The following CLIC2 variants were observed in gnomAD, a reference collection of about 807,000 sequenced individuals.
The protein encoded by CLIC2 is chloride intracellular channel protein 2.
In CLIC2, 9 loss-of-function variants were observed where a neutral mutation model predicts 14.8. The ratio of observed to expected loss-of-function variants is 0.61; its 90% CI spans 0.37 to 1.06. The LOEUF (loss-of-function observed/expected upper bound fraction) is 1.06, where lower values mean the gene tolerates loss of function less well. Ranked by LOEUF, CLIC2 falls within the 50% of genes least tolerant of loss-of-function variation. The pLI is 0.01. For missense variants in CLIC2, 148 were observed against 181.4 expected (o/e 0.82, Z 1.06); for synonymous variants, 61 against 66.3 (o/e 0.92, Z 0.39).
At chrX:155,280,902 C>T (rs376059646) in intron 3 of CLIC2, among the ~76,000 whole-genome samples, 1 of 107,079 alleles carries the variant, frequency 9.3e-6, no homozygotes, top group African/African-American at 3.4e-5. Flanking sequence ...TCTGTGCTGC[C>T]ATGTTCACTG....
At chrX:155,312,788 C>G (rs1399967129) in intron 1 of CLIC2, among the ~76,000 whole-genome samples, 1 of 111,380 alleles carries the variant, frequency 9.0e-6, no homozygotes, top group Non-Finnish European at 1.9e-5. Flanking sequence ...TTTATTTTTC[C>G]TATCCATGAA....
Position 155,299,092 on chromosome X carries a change from G to C in CLIC2, c.111C>G (p.Phe37Leu), listed in dbSNP as rs1569561300. Residue 37 changes from phenylalanine to leucine, a missense_variant, in exon 2 of 6, where the codon TTC (phenylalanine) becomes TTG (leucine). Coordinates refer to ENST00000369449, the MANE Select transcript of CLIC2 (RefSeq NM_001289.6). ...TAACTCCTTTAAGCCAGAGGATCAT[G>C]AAAAGGCGTTGGCAAAAGGGACAGT... ...IGNCPFCQRL[F>L]MILWLKGVKF... 1.7e-6 allele frequency: 2 copies of C among 1,210,650 alleles called. No homozygotes were observed. The highest frequency in any genetic ancestry group is 4.3e-5 in the Admixed American group (2 of 46,014).
chrX:155,297,762 G>A (rs1345327495), intron 3 of CLIC2, among the ~76,000 whole-genome samples: 3 of 99,582 alleles, frequency 3.0e-5, no homozygotes, highest in Non-Finnish European at 6.1e-5. Context: ...GCTGAGGCAG[G>A]AGAATGGCGT....
chrX:155,302,289 C>A (rs1240535401), intron 1 of CLIC2, among the ~76,000 whole-genome samples: 2 of 107,110 alleles, frequency 1.9e-5, no homozygotes, highest in Non-Finnish European at 3.9e-5. Context: ...GATTCAACTT[C>A]TTCCTGGTTT....
intron 1 of CLIC2, among the ~76,000 whole-genome samples, chrX:155,316,724 T>C (rs1359022006): frequency 9.9e-5 from 11 of 110,596 alleles, no homozygotes; most frequent in African/African-American, 3.6e-4. Context: ...CACAATAGGC[T>C]GTCTGTAAGC....
intron 1 of CLIC2, among the ~76,000 whole-genome samples, chrX:155,331,170 A>G (rs782191117): frequency 4.5e-5 from 5 of 110,977 alleles, no homozygotes; most frequent in Non-Finnish European, 7.6e-5. Flanking sequence ...GAGTGGAAAC[A>G]TGATTAAGGG....
At chrX:155,294,915 T>C (rs781920633) in intron 3 of CLIC2, among the ~76,000 whole-genome samples, 2 of 111,588 alleles carry the variant, frequency 1.8e-5, no homozygotes, top group South Asian at 7.5e-4. Flanking sequence ...AGCACAGGAC[T>C]GGACAAATTC....
At chrX:155,307,604 G>A (rs1489678522) in intron 1 of CLIC2, among the ~76,000 whole-genome samples, 9 of 112,125 alleles carry the variant, frequency 8.0e-5, no homozygotes, top group Admixed American at 1.9e-4. Flanking sequence ...GGCAAGAGAC[G>A]CCAAGTGTGG....
At chrX:155,302,490 C>T (rs1480120771) in intron 1 of CLIC2, among the ~76,000 whole-genome samples, 256 of 102,261 alleles carry the variant, frequency 2.5e-3, no homozygotes, top group African/African-American at 8.7e-3. Context: ...ATTAGTCTTG[C>T]TAGCGGTCTA....
chrX:155,327,360 A>G (rs1557322438), intron 1 of CLIC2, among the ~76,000 whole-genome samples: 1 of 111,729 alleles, frequency 9.0e-6, no homozygotes, highest in Non-Finnish European at 1.9e-5. Flanking sequence ...GAATGTATTT[A>G]TCTATATATG....
chrX:155,292,320 C>T (rs1557317713), intron 3 of CLIC2: 34 of 563,436 alleles, frequency 6.0e-5, no homozygotes, highest in Admixed American at 2.2e-5. Context: ...CTAGGTTTAA[C>T]TGAGCAGTGA....
At chrX:155,292,158 G>A (rs782611486) in intron 3 of CLIC2, 1 of 567,508 alleles carries the variant, frequency 1.8e-6, no homozygotes, top group Non-Finnish European at 3.2e-6. Context: ...GATGAAACAG[G>A]AGAATACTAT....
chrX:155,304,864 TG>T (rs1393971260), intron 1 of CLIC2, among the ~76,000 whole-genome samples: 14 of 93,091 alleles, frequency 1.5e-4, no homozygotes, highest in South Asian at 6.0e-4. Context: ...GTGCCCCTGC[TG>T]GGGGGTGCCT....
intron 1 of CLIC2, among the ~76,000 whole-genome samples, chrX:155,316,199 C>G (rs2075094634): frequency 9.0e-6 from 1 of 111,448 alleles, no homozygotes; most frequent in African/African-American, 3.3e-5. Flanking sequence ...CAGCACTAGA[C>G]AGGTCATCAA....
chrX:155,286,307 A>G (rs781790524), intron 3 of CLIC2, among the ~76,000 whole-genome samples: 27 of 112,303 alleles, frequency 2.4e-4, no homozygotes, highest in African/African-American at 8.4e-4. Context: ...AAAAGACACG[A>G]TCTCATTCTT....
intron 3 of CLIC2, among the ~76,000 whole-genome samples, chrX:155,288,163 G>A (rs2074949680): frequency 9.0e-6 from 1 of 111,248 alleles, no homozygotes; most frequent in African/African-American, 3.3e-5. Flanking sequence ...TGAGAGTATG[G>A]GGTTTTCTTT....
intron 1 of CLIC2, among the ~76,000 whole-genome samples, chrX:155,320,703 G>C (rs1290832176): frequency 9.0e-6 from 1 of 111,706 alleles, no homozygotes; most frequent in East Asian, 2.8e-4. Flanking sequence ...AAACTGGATG[G>C]AGAACGAGTT....
At chrX:155,320,676 T>C (rs1449751874) in intron 1 of CLIC2, among the ~76,000 whole-genome samples, 2 of 111,369 alleles carry the variant, frequency 1.8e-5, no homozygotes, top group Non-Finnish European at 1.9e-5. Context: ...TCACAACTCC[T>C]CGCTAGCAAG....
intron 1 of CLIC2, among the ~76,000 whole-genome samples, chrX:155,317,925 C>T (rs1322989566): frequency 1.8e-5 from 2 of 111,972 alleles, no homozygotes; most frequent in African/African-American, 6.5e-5. Flanking sequence ...AAATGTCATA[C>T]ACCACATAGA....
Sources: allele counts gnomAD v4.1 joint callset (sites outside exome capture counted in the v4.1 genomes callset), GRCh38; gene constraint gnomAD v4.1.1; transcripts MANE v1.5; gene names NCBI Gene and HGNC (gene_info 2026-07-23, HGNC 2026-07-21).